Variants in SLC30A9 observed in about 807,000 individuals in gnomAD.
The protein encoded by SLC30A9 is solute carrier family 30 member 9.
A neutral mutation model predicts 87.5 loss-of-function variants in SLC30A9; 58 were observed. The observed-to-expected ratio is 0.66, with a 90% CI of 0.54 to 0.82. The LOEUF is 0.82. Ranked by LOEUF, SLC30A9 falls within the 40% of genes least tolerant of loss-of-function variation. SLC30A9 has a pLI of 0.00. For missense variants in SLC30A9, 557 were observed against 679.1 expected (o/e 0.82, Z 2.00); for synonymous variants, 234 against 233.0 (o/e 1.00, Z -0.04).
intron 6 of SLC30A9, among the ~76,000 whole-genome samples, chr4:42,028,602 T>C (rs181208996): frequency 6.6e-6 from 1 of 152,366 alleles, no homozygotes. Context: ...CATCAGTAGA[T>C]ACTTCCCAGA....
At chr4:42,028,846 GT>G (rs1300537094) in intron 6 of SLC30A9, among the ~76,000 whole-genome samples, 57 of 152,296 alleles carry the variant, frequency 3.7e-4, no homozygotes, top group African/African-American at 1.3e-3. Flanking sequence ...AGACCCACCT[GT>G]CAACCACTAT....
chr4:41,992,671 A>T (rs1433247316), intron 1 of SLC30A9, among the ~76,000 whole-genome samples: 1 of 152,214 alleles, frequency 6.6e-6, no homozygotes, highest in African/African-American at 2.4e-5. Flanking sequence ...TGGAATGTTT[A>T]TTACTACAAA....
intron 10 of SLC30A9, 39 bp downstream of exon 10, chr4:42,060,285 C>T (rs755412758): frequency 1.6e-5 from 24 of 1,468,798 alleles, no homozygotes; most frequent in African/African-American, 5.5e-5. Context: ...TTTGTTTTGG[C>T]GATAAGTCAT....
At chr4:41,994,277 G>C (rs17445557) in intron 1 of SLC30A9, among the ~76,000 whole-genome samples, 7,334 of 152,134 alleles carry the variant, frequency 0.048, 252 homozygotes, top group African/African-American at 0.077. Context: ...CAGTGAGTTT[G>C]TCTAAAAATT....
chr4:41,994,503 A>G (rs1714606612), intron 1 of SLC30A9, among the ~76,000 whole-genome samples: 1 of 151,678 alleles, frequency 6.6e-6, no homozygotes, highest in African/African-American at 2.4e-5. Flanking sequence ...GAACACTGAA[A>G]TTAATAAAAG....
chr4:42,037,463 T>C (rs1374411537), intron 7 of SLC30A9, among the ~76,000 whole-genome samples: 3 of 152,100 alleles, frequency 2.0e-5, no homozygotes, highest in African/African-American at 7.2e-5. Flanking sequence ...CATGGGTTTC[T>C]TGATATAGTA....
At chr4:42,059,919 G>A (rs1230919913) in intron 9 of SLC30A9, among the ~76,000 whole-genome samples, 1 of 151,864 alleles carries the variant, frequency 6.6e-6, no homozygotes, top group Non-Finnish European at 1.5e-5. Context: ...GTAATTTATG[G>A]TTTATCATTT....
chr4:42,065,481 A>C (rs1354242742), intron 12 of SLC30A9, 132 bp downstream of exon 12: 1 of 628,154 alleles, frequency 1.6e-6, no homozygotes, highest in African/African-American at 1.8e-5. Flanking sequence ...AGCTTTCTCT[A>C]CTTTTAGGGA....
intron 16 of SLC30A9, among the ~76,000 whole-genome samples, chr4:42,077,100 A>G (rs567919556): frequency 1.3e-5 from 2 of 152,244 alleles, no homozygotes; most frequent in South Asian, 4.1e-4. Context: ...GGGTGTACTT[A>G]CCTTCAGCTT....
At chr4:42,004,591 C>G (rs113671241) in intron 2 of SLC30A9, among the ~76,000 whole-genome samples, 1 of 151,248 alleles carries the variant, frequency 6.6e-6, no homozygotes, top group African/African-American at 2.4e-5. Flanking sequence ...TTAGTTGCCT[C>G]TAATATGCTG....
chr4:42,061,045 C>G (rs1443374882), intron 10 of SLC30A9, among the ~76,000 whole-genome samples: 2 of 152,080 alleles, frequency 1.3e-5, no homozygotes, highest in Non-Finnish European at 2.9e-5. Context: ...GTTTTACCAT[C>G]TTAAGAAAAA....
chr4:42,011,259 T>C (rs1715429908), intron 2 of SLC30A9, among the ~76,000 whole-genome samples: 2 of 152,184 alleles, frequency 1.3e-5, no homozygotes, highest in Admixed American at 6.5e-5. Flanking sequence ...AAGACACTTA[T>C]AAAACCATCA....
At chr4:42,016,795 G>GTCTATCTATCTA (rs34586662) in intron 2 of SLC30A9, among the ~76,000 whole-genome samples, 20 of 151,562 alleles carry the variant, frequency 1.3e-4, no homozygotes, top group African/African-American at 4.9e-4. Context: ...ATATAACATG[G>GTCTATCTATCTA]TCTATCTATC....
At chr4:42,078,135 G>GT (rs546578467) in intron 16 of SLC30A9, 77 bp from the exon 17 acceptor site, 15,139 of 599,020 alleles carry the variant, frequency 0.025, 1 homozygote, top group Middle Eastern at 0.032. Context: ...TTATAGGTTT[G>GT]TTTTTTTTTA....
chr4:42,040,161 A>C (rs1716860210), intron 8 of SLC30A9, among the ~76,000 whole-genome samples: 1 of 152,184 alleles, frequency 6.6e-6, no homozygotes, highest in African/African-American at 2.4e-5. Flanking sequence ...TACTGGAAGG[A>C]GGAGCAGGGT....
chr4:42,081,963 A>T (rs987928706), intron 17 of SLC30A9, among the ~76,000 whole-genome samples: 2 of 152,164 alleles, frequency 1.3e-5, no homozygotes, highest in African/African-American at 4.8e-5. Flanking sequence ...CATGCCTGTA[A>T]TCCCAGCACT....
At chr4:42,080,797 A>G (rs1718718853) in intron 17 of SLC30A9, among the ~76,000 whole-genome samples, 1 of 152,214 alleles carries the variant, frequency 6.6e-6, no homozygotes, top group African/African-American at 2.4e-5. Flanking sequence ...ATACACTGTT[A>G]TATTAAAATC....
intron 1 of SLC30A9, among the ~76,000 whole-genome samples, chr4:41,996,030 G>T (rs56119253): frequency 0.048 from 7,315 of 151,700 alleles, 246 homozygotes; most frequent in African/African-American, 0.077. Flanking sequence ...GTTTTAAGGA[G>T]CAGAAAGAAA....
At chr4:42,014,090 A>G (rs979936906) in intron 2 of SLC30A9, among the ~76,000 whole-genome samples, 1 of 152,236 alleles carries the variant, frequency 6.6e-6, no homozygotes, top group Admixed American at 6.5e-5. Flanking sequence ...GACGTTTTCA[A>G]AAGAAGACAT....
Sources: allele counts gnomAD v4.1 joint callset (sites outside exome capture counted in the v4.1 genomes callset), GRCh38; gene constraint gnomAD v4.1.1; transcripts MANE v1.5; gene names NCBI Gene and HGNC (gene_info 2026-07-23, HGNC 2026-07-21).